UPP2: variants seen among roughly 807,000 people sequenced by gnomAD.
UPP2 encodes uridine phosphorylase 2.
A neutral mutation model predicts 26.7 loss-of-function variants in UPP2; 23 were observed. That is an observed-to-expected ratio of 0.86 (90% CI 0.62 to 1.22). The LOEUF is 1.22. Ranked by LOEUF, UPP2 falls within the 50% of genes most tolerant of loss-of-function variation. UPP2 has a pLI of 0.00. For missense variants in UPP2, 387 were observed against 396.7 expected, an observed-to-expected ratio of 0.98 and a Z score of 0.21; for synonymous variants, 127 against 141.3, an observed-to-expected ratio of 0.90 and a Z score of 0.72.
intron 3 of UPP2, among the ~76,000 whole-genome samples, chr2:158,072,587 G>A (rs1238848691): frequency 6.6e-6 from 1 of 152,112 alleles, no homozygotes; most frequent in Non-Finnish European, 1.5e-5. Context: ...TGGCCACAGG[G>A]CTCCTGGCAT....
chr2:158,093,970 T>TTA (rs921668177), intron 3 of UPP2, among the ~76,000 whole-genome samples: 1 of 149,798 alleles, frequency 6.7e-6, no homozygotes, highest in African/African-American at 2.4e-5. Flanking sequence ...TATGTTACAT[T>TTA]TATATATATA....
intron 2 of UPP2, among the ~76,000 whole-genome samples, chr2:158,107,848 T>C (rs891599137): frequency 3.9e-5 from 6 of 152,128 alleles, no homozygotes; most frequent in Admixed American, 3.3e-4. Flanking sequence ...CTTGCCTTTG[T>C]GTGGCCTGCC....
At chr2:158,050,215 A>G (rs1307910295) in intron 3 of UPP2, among the ~76,000 whole-genome samples, 1 of 152,216 alleles carries the variant, frequency 6.6e-6, no homozygotes, top group Non-Finnish European at 1.5e-5. Context: ...TTCCATGAGC[A>G]CATTCCCACA....
chr2:158,075,770 T>C (rs1025789910), intron 3 of UPP2, among the ~76,000 whole-genome samples: 9 of 151,584 alleles, frequency 5.9e-5, no homozygotes, highest in Non-Finnish European at 1.0e-4. Context: ...TAATGATGCA[T>C]CTTAAAAAAT....
At chr2:157,998,337 C>G (rs541021767) in intron 2 of UPP2, among the ~76,000 whole-genome samples, 1 of 152,218 alleles carries the variant, frequency 6.6e-6, no homozygotes, top group East Asian at 1.9e-4. Flanking sequence ...TTTCCCTTCA[C>G]TAAGATATTC....
At chr2:158,032,969 G>A (rs987368460) in intron 3 of UPP2, among the ~76,000 whole-genome samples, 1 of 152,018 alleles carries the variant, frequency 6.6e-6, no homozygotes, top group Non-Finnish European at 1.5e-5. Flanking sequence ...GCTTTTAGGG[G>A]GAAATTGTAC....
intron 2 of UPP2, among the ~76,000 whole-genome samples, chr2:158,007,397 C>G (rs1683507899): frequency 6.6e-6 from 1 of 152,164 alleles, no homozygotes; most frequent in African/African-American, 2.4e-5. Flanking sequence ...CTTGCACTTT[C>G]TCTTTTCAGC....
rs1326877157 is a variant in UPP2 at position 158,093,551 on chromosome 2, C to T, written c.148-8489C>T. Reference sequence around the variant, plus strand: ...AAATTAGTAAGACAAAAATAAAATACCCAAAAGAAAATACGGGCAAAGAAT... The same window carrying T: ...AAATTAGTAAGACAAAAATAAAATATCCAAAAGAAAATACGGGCAAAGAAT... On this transcript the variant is annotated intron_variant, in intron 3 of 9. Coordinates refer to the UPP2 transcript ENST00000605860. Among the ~76,000 whole-genome samples the T allele has an allele frequency of 7.2e-5, 11 of 151,862 alleles. No individual in the cohort carries two copies. In the East Asian group the frequency reaches 1.9e-3, roughly 27 times the overall value.
chr2:158,010,249 G>T (rs1451524093), intron 2 of UPP2, among the ~76,000 whole-genome samples: 1 of 152,152 alleles, frequency 6.6e-6, no homozygotes, highest in Non-Finnish European at 1.5e-5. Context: ...TAATAATTAT[G>T]TATCACTTTC....
intron 4 of UPP2, 35 bp downstream of exon 4, chr2:158,117,973 T>A (rs550445956): frequency 6.5e-7 from 1 of 1,541,544 alleles, no homozygotes; most frequent in East Asian, 2.2e-5. Context: ...TAGAACTGAG[T>A]GATCCTTACA....
chr2:158,009,814 A>G (rs1378093744), intron 2 of UPP2, among the ~76,000 whole-genome samples: 3 of 152,208 alleles, frequency 2.0e-5, no homozygotes, highest in Non-Finnish European at 2.9e-5. Context: ...TTCTGTGGTC[A>G]TCTTGCCCCA....
intron 6 of UPP2, chr2:158,128,114 C>T (rs1683732078): frequency 1.4e-6 from 1 of 710,198 alleles, no homozygotes. Flanking sequence ...ATATATGAAG[C>T]CTAATATTTG....
chr2:157,995,858 T>C (rs1424993940), intron 2 of UPP2, among the ~76,000 whole-genome samples: 1 of 152,070 alleles, frequency 6.6e-6, no homozygotes, highest in Non-Finnish European at 1.5e-5. Context: ...TGATTTCCTG[T>C]GTTTTTTTTT....
chr2:158,012,454 G>A (rs1683596736), intron 2 of UPP2, among the ~76,000 whole-genome samples: 1 of 151,748 alleles, frequency 6.6e-6, no homozygotes, highest in Non-Finnish European at 1.5e-5. Context: ...TTTTAGTAGA[G>A]ACGGGTTTTC....
At chr2:158,060,727 C>T (rs1188957229) in intron 3 of UPP2, among the ~76,000 whole-genome samples, 1 of 151,882 alleles carries the variant, frequency 6.6e-6, no homozygotes, top group Non-Finnish European at 1.5e-5. Context: ...AGGGTAGGGC[C>T]CCATAATGAG....
intron 3 of UPP2, among the ~76,000 whole-genome samples, chr2:158,083,390 T>C (rs184825111): frequency 6.6e-6 from 1 of 152,172 alleles, no homozygotes; most frequent in Non-Finnish European, 1.5e-5. Flanking sequence ...AAAAGATGAT[T>C]TCATGTCCTT....
chr2:157,998,687 A>C (rs1417539020), intron 2 of UPP2, among the ~76,000 whole-genome samples: 3 of 152,156 alleles, frequency 2.0e-5, no homozygotes, highest in African/African-American at 7.2e-5. Context: ...CTGTAATCCC[A>C]GCTACTCAGG....
chr2:158,063,296 C>A (rs917133611), intron 3 of UPP2, among the ~76,000 whole-genome samples: 1 of 152,182 alleles, frequency 6.6e-6, no homozygotes, highest in Non-Finnish European at 1.5e-5. Context: ...AGAATATAGG[C>A]TACACAACAG....
Position 158,079,559 on chromosome 2 carries a change from T to C in UPP2, c.148-22481T>C, listed in dbSNP as rs187516381. Among the ~76,000 whole-genome samples the C allele has an allele frequency of 2.5e-4, 38 of 152,310 alleles. No homozygotes were observed. In the East Asian group the frequency reaches 7.1e-3, roughly 29 times the overall value. On this transcript the variant is annotated intron_variant, in intron 3 of 9. Coordinates refer to the UPP2 transcript ENST00000605860. Reference sequence around the variant, plus strand: ...CACAGACAGGTAGCACCTGTCATCATTAGCCAAATTTAGAAAAATTAAAAG... The same window carrying C: ...CACAGACAGGTAGCACCTGTCATCACTAGCCAAATTTAGAAAAATTAAAAG...
Sources: gnomAD v4.1 joint callset for allele counts (sites outside exome capture counted in the v4.1 genomes callset) on GRCh38, gnomAD v4.1.1 for gene constraint, MANE v1.5 for transcripts, NCBI Gene and HGNC (gene_info 2026-07-23, HGNC 2026-07-21) for gene names.